Variants in C18orf63 observed in about 807,000 individuals in gnomAD.
The protein encoded by C18orf63 is uncharacterized protein C18orf63.
Under a neutral mutation model 75.3 loss-of-function variants are expected in C18orf63, and 50 were observed. That is an observed-to-expected ratio of 0.66 (90% CI 0.53 to 0.84). The LOEUF (loss-of-function observed/expected upper bound fraction) is 0.84, where lower values mean the gene tolerates loss of function less well. Among genes scored for constraint, C18orf63 ranks in the 40% least tolerant of loss-of-function variants. C18orf63 has a pLI of 0.00. For synonymous variants in C18orf63, 232 were observed against 267.6 expected (o/e 0.87, Z 1.30); for missense variants, 732 against 800.2 (o/e 0.91, Z 1.03).
chr18:74,333,253 C>A (rs1021129468), intron 7 of C18orf63, among the ~76,000 whole-genome samples: 1 of 152,146 alleles, frequency 6.6e-6, no homozygotes. Flanking sequence ...ACCAGGCACT[C>A]GTTCTGATAT....
rs144508736 is a variant in C18orf63 at position 74,333,879 on chromosome 18, C to T, written c.501+2937C>T. On this transcript the variant is annotated intron_variant, in intron 7 of 13. Transcript: ENST00000579455. ...TCTCCTCTATTCAACATTATACACT[C>T]AACATGTACTTGTTAAATTAAATCA... 1.3e-3 allele frequency among the ~76,000 whole-genome samples: 201 copies of T among 152,312 alleles called. 1 individual carries two copies. In the Middle Eastern group the frequency reaches 0.031, roughly 23 times the overall value.
At chr18:74,333,181 T>C (rs1015909262) in intron 7 of C18orf63, among the ~76,000 whole-genome samples, 24 of 152,224 alleles carry the variant, frequency 1.6e-4, no homozygotes, top group African/African-American at 5.8e-4. Flanking sequence ...AACCTTAGAA[T>C]TAGGCAGACT....
At chr18:74,335,434 A>T (rs1171817053) in intron 7 of C18orf63, among the ~76,000 whole-genome samples, 1 of 152,088 alleles carries the variant, frequency 6.6e-6, no homozygotes, top group Non-Finnish European at 1.5e-5. Flanking sequence ...GGTAATTGAA[A>T]CAGTAATTTA....
At chr18:74,349,417 C>T (rs1984628671) in intron 11 of C18orf63, among the ~76,000 whole-genome samples, 1 of 152,090 alleles carries the variant, frequency 6.6e-6, no homozygotes. Context: ...GGGTCCCCAA[C>T]CCCCCAGGTC....
At chr18:74,346,685 C>A (rs1229326542) in intron 11 of C18orf63, among the ~76,000 whole-genome samples, 1 of 152,146 alleles carries the variant, frequency 6.6e-6, no homozygotes, top group East Asian at 1.9e-4. Flanking sequence ...AGATTTCCAG[C>A]CCATGTCTGT....
chr18:74,328,559 C>T (rs1177558909), intron 5 of C18orf63, among the ~76,000 whole-genome samples: 1 of 152,014 alleles, frequency 6.6e-6, no homozygotes, highest in Non-Finnish European at 1.5e-5. Context: ...CAAGCAAGCC[C>T]ACAACAACAT....
chr18:74,329,025 A>G lies in C18orf63; in HGVS notation c.413A>G (p.Gln138Arg), dbSNP rs1244037875. ...GATTTTCTTTCTCAGATGGGAAAAC[A>G]AAGTGCTGTTGGTAAGTAAAAATGC... is the stretch of plus-strand genomic sequence containing the variant. ...GRDFLSQMGKQSAVVLNINVT... is the reference protein window; with the variant it reads ...GRDFLSQMGKRSAVVLNINVT... Residue 138 changes from glutamine to arginine, a missense_variant, in exon 6 of 14, where the codon CAA (glutamine) becomes CGA (arginine). Coordinates refer to ENST00000579455, the MANE Select transcript of C18orf63 (RefSeq NM_001174123.2). 6.0e-6 allele frequency: 9 copies of G among 1,506,670 alleles called. No individual in the cohort carries two copies. In the Admixed American group the frequency reaches 9.8e-5, roughly 16 times the overall value. 93.3% of individuals were successfully genotyped at this position (1,506,670 alleles called of 1,614,324 possible).
intron 11 of C18orf63, 83 bp from the exon 12 acceptor site, chr18:74,353,163 G>T: frequency 1.1e-6 from 1 of 919,076 alleles, no homozygotes; most frequent in Non-Finnish European, 1.6e-6. Context: ...ATTCTTATTT[G>T]GATGATACTT....
chr18:74,327,990 G>A lies in C18orf63; in HGVS notation c.314G>A (p.Cys105Tyr), dbSNP rs1336033239. 2.0e-6 allele frequency: 3 copies of A among 1,535,658 alleles called. No homozygotes were observed. The highest frequency in any genetic ancestry group is 2.6e-6 in the Non-Finnish European group (3 of 1,146,520). The change falls in exon 5 of 14, where the codon TGC becomes TAC. Residue 105 changes from cysteine to tyrosine, a missense_variant. Cys to Tyr is a radical substitution (Grantham distance 194, BLOSUM62 -2). Transcript: ENST00000579455. ...GTAATTCCTGTAATTCTTCAGAACT[G>A]CCTGTCATATTCATTCATGGCTAGA... ...QRVIPVILQN[C>Y]LSYSFMARLA...
intron 7 of C18orf63, among the ~76,000 whole-genome samples, chr18:74,337,285 G>C (rs1253925200): frequency 6.6e-6 from 1 of 152,114 alleles, no homozygotes; most frequent in Non-Finnish European, 1.5e-5. Flanking sequence ...GTCTCTTGGA[G>C]TATATGGTGA....
intron 4 of C18orf63, among the ~76,000 whole-genome samples, chr18:74,327,590 T>C (rs941361943): frequency 6.6e-6 from 1 of 152,144 alleles, no homozygotes; most frequent in Non-Finnish European, 1.5e-5. Context: ...GAGTGAACAA[T>C]AATGAGAACG....
intron 13 of C18orf63, among the ~76,000 whole-genome samples, chr18:74,354,963 A>G (rs867353883): frequency 1.3e-5 from 2 of 152,250 alleles, no homozygotes; most frequent in Non-Finnish European, 2.9e-5. Flanking sequence ...AATTTACTCC[A>G]AAAGTGCTAC....
Position 74,335,738 on chromosome 18 carries a change from G to A in C18orf63, c.502-2977G>A, listed in dbSNP as rs8098132. ...TTACTGGGTACTACTATGTATATAT[G>A]CCAAGTGCTGATGGAAAACACCTTT... On this transcript the variant is annotated intron_variant, in intron 7 of 13. Transcript: ENST00000579455. Among the ~76,000 whole-genome samples, 529 of 152,158 alleles carry A rather than the reference G, an allele frequency of 3.5e-3. 4 individuals are homozygous for A. Among genetic ancestry groups the A allele is most frequent in the African/African-American group, 0.012 (492 of 41,540 alleles).
In C18orf63 at chr18:74,327,197, G is replaced by T. The variant is rs144981730; in HGVS notation, c.271-750G>T. Among the ~76,000 whole-genome samples the T allele has an allele frequency of 8.7e-3, 1,332 of 152,244 alleles. 23 individuals are homozygous for T. Among genetic ancestry groups the T allele is most frequent in the African/African-American group, 0.03 (1,247 of 41,538 alleles). ...GGCCTCCATAAACAAGTTTATTGGG[G>T]TCTAAAGGAACTCCCCAAACCTTTA... On this transcript the variant is annotated intron_variant, in intron 4 of 13. Transcript: ENST00000579455.
At chr18:74,328,397 G>T (rs1334749202) in intron 5 of C18orf63, among the ~76,000 whole-genome samples, 1 of 152,058 alleles carries the variant, frequency 6.6e-6, no homozygotes, top group African/African-American at 2.4e-5. Context: ...TCTCCCACCG[G>T]GTCCTTCCCA....
chr18:74,337,727 CG>C, intron 7 of C18orf63, among the ~76,000 whole-genome samples: 1 of 152,254 alleles, frequency 6.6e-6, no homozygotes, highest in African/African-American at 2.4e-5. Context: ...TACCTCACAA[CG>C]TAACTAGCAT....
At position 74,354,167 on chromosome 18, in the gene C18orf63, C is replaced by G; in HGVS notation, c.1900C>G (p.His634Asp). 6.5e-7 allele frequency: 1 copy of G among 1,536,162 alleles called. No homozygotes were observed. Among genetic ancestry groups the G allele is most frequent in the Non-Finnish European group, 8.7e-7 (1 of 1,146,896 alleles). Residue 634 changes from histidine (H) to aspartate (D), a missense_variant, in exon 12 of 14, where the codon CAC becomes GAC. His to Asp is a moderately conservative substitution (Grantham distance 81, BLOSUM62 -1). This residue lies in a region of C18orf63 where 495 missense variants were observed against 508.7 expected (regional missense o/e 0.97). Coordinates refer to ENST00000579455, the MANE Select transcript of C18orf63 (RefSeq NM_001174123.2). ...DHRLIVSKIAHRSKRKLCPES... is the reference protein window; with the variant it reads ...DHRLIVSKIADRSKRKLCPES... The stretch of plus-strand genomic sequence containing the variant: ...CAGGTTGATAGTAAGCAAAATAGCC[C>G]ACAGGTCTAAAAGAAAATTATGTCC...
intron 4 of C18orf63, among the ~76,000 whole-genome samples, chr18:74,327,183 AC>A (rs1446987084): frequency 6.6e-6 from 1 of 152,138 alleles, no homozygotes; most frequent in East Asian, 1.9e-4. Context: ...GCCTCCATAA[AC>A]AAGTTTATTG....
In C18orf63 at chr18:74,353,656, G is replaced by T; in HGVS notation, c.1389G>T (p.Val463=). Residue 463 remains valine, a synonymous_variant, in exon 12 of 14, where the codon GTG becomes GTT. Coordinates refer to ENST00000579455, the MANE Select transcript of C18orf63 (RefSeq NM_001174123.2). ...LGSPKRKQHD[V]TQSKLFSLKT... ...GCCCAAAAAGAAAACAGCATGATGT[G>T]ACACAATCTAAATTGTTTTCACTCA... The T allele has an allele frequency of 6.5e-7, 1 of 1,536,114 alleles. No homozygotes were observed. The highest frequency in any genetic ancestry group is 8.7e-7 in the Non-Finnish European group (1 of 1,146,894).
Sources: allele counts gnomAD v4.1 joint callset (sites outside exome capture counted in the v4.1 genomes callset), GRCh38; gene constraint gnomAD v4.1.1; regional missense constraint gnomAD v4.1.1; transcripts MANE v1.5; gene names NCBI Gene and HGNC (gene_info 2026-07-23, HGNC 2026-07-21).